The following CEP128 variants were observed in gnomAD, a reference collection of about 807,000 sequenced individuals.
CEP128 encodes the protein centrosomal protein 128.
CEP128 carries 132 observed loss-of-function variants against 156.7 expected under a neutral mutation model. The ratio of observed to expected loss-of-function variants is 0.84; its 90% CI spans 0.73 to 0.97. The LOEUF (loss-of-function observed/expected upper bound fraction) is 0.97. Among genes scored for constraint, CEP128 ranks in the 50% least tolerant of loss-of-function variants. The pLI is 0.00. For missense variants in CEP128, 1,252 were observed against 1,281.9 expected (o/e 0.98, Z 0.36); for synonymous variants, 469 against 448.9 (o/e 1.04, Z -0.57).
intron 19 of CEP128, among the ~76,000 whole-genome samples, chr14:80,635,766 A>G (rs1245964840): frequency 6.6e-6 from 1 of 152,160 alleles, no homozygotes; most frequent in East Asian, 1.9e-4. Context: ...TGAAATCCAA[A>G]ACACCCTAAA....
intron 20 of CEP128, among the ~76,000 whole-genome samples, chr14:80,575,910 C>A (rs766347518): frequency 2.2e-4 from 34 of 152,104 alleles, no homozygotes; most frequent in Non-Finnish European, 1.0e-4. Context: ...TGGAAGTTAT[C>A]TCATGACTCA....
Position 80,678,653 on chromosome 14 carries a change from C to T in CEP128, c.2806+64422G>A, listed in dbSNP as rs942914264. Among the ~76,000 whole-genome samples the T allele has an allele frequency of 1.8e-4, 28 of 152,200 alleles. 1 individual carries two copies. Among genetic ancestry groups the T allele is most frequent in the African/African-American group, 6.3e-4 (26 of 41,464 alleles). On this transcript the variant is annotated intron_variant, in intron 19 of 24. Transcript: ENST00000555265. Reference sequence around the variant, plus strand: ...GAATGAAGTGCCAATACATGAAGAGCTTCCCTCTGTGACTCATCTTTCCAC... The same window carrying T: ...GAATGAAGTGCCAATACATGAAGAGTTTCCCTCTGTGACTCATCTTTCCAC...
At chr14:80,734,840 C>A (rs1212489055) in intron 19 of CEP128, among the ~76,000 whole-genome samples, 1 of 135,860 alleles carries the variant, frequency 7.4e-6, no homozygotes, top group South Asian at 2.6e-4. Flanking sequence ...TATCAAGACC[C>A]CATCTCAAAA....
chr14:80,926,422 G>A (rs760625127), intron 2 of CEP128, among the ~76,000 whole-genome samples: 16 of 152,102 alleles, frequency 1.1e-4, no homozygotes, highest in Non-Finnish European at 1.3e-4. Context: ...TGCAGCAGAC[G>A]TAGCTGTGCT....
At chr14:80,794,260 T>C (rs1043868208) in intron 13 of CEP128, among the ~76,000 whole-genome samples, 3 of 152,256 alleles carry the variant, frequency 2.0e-5, no homozygotes, top group African/African-American at 7.2e-5. Context: ...CTATGATCTA[T>C]GGCTCAAATA....
chr14:80,618,361 C>T (rs1893317998), intron 19 of CEP128, among the ~76,000 whole-genome samples: 1 of 152,200 alleles, frequency 6.6e-6, no homozygotes, highest in African/African-American at 2.4e-5. Flanking sequence ...GGTGTACATT[C>T]ACCATTCAAG....
chr14:80,545,068 A>G lies in CEP128; in HGVS notation c.2881-14182T>C, dbSNP rs144852469. Among the ~76,000 whole-genome samples, 349 of 152,318 alleles carry G rather than the reference A, an allele frequency of 2.3e-3. 1 individual carries two copies. The highest frequency in any genetic ancestry group is 8.1e-3 in the African/African-American group (336 of 41,556). ...CTTGAAAAGCTCTCAACCTTTTACC[A>G]TCATTCTCAGAATCCTCTTCATCCT... On this transcript the variant is annotated intron_variant, in intron 21 of 24. Coordinates refer to ENST00000555265, the MANE Select transcript of CEP128 (RefSeq NM_152446.5).
chr14:80,578,395 T>A lies in CEP128; in HGVS notation c.2856+1979A>T, dbSNP rs866141404. On this transcript the variant is annotated intron_variant, in intron 20 of 24. Coordinates refer to ENST00000555265, the MANE Select transcript of CEP128 (RefSeq NM_152446.5). ...GACATAAAATGCAGAATATCTGTTA[T>A]ACATAATTATAAGATGATAATGAGT... 2.6e-5 allele frequency among the ~76,000 whole-genome samples: 4 copies of A among 152,320 alleles called. No homozygotes were observed. In the Middle Eastern group the frequency reaches 0.01, roughly 389 times the overall value.
chr14:80,753,878 C>T (rs879378600), intron 18 of CEP128, among the ~76,000 whole-genome samples: 1 of 152,172 alleles, frequency 6.6e-6, no homozygotes, highest in Non-Finnish European at 1.5e-5. Context: ...CATCTCTCAT[C>T]ATGTGTATGC....
rs558141955 is a variant in CEP128, at chr14:80,927,161, G to A, written c.-15-10599C>T. ...ACTGCTACTCCTAGGGTAAGGGGGC[G>A]TGTACCACATTAAGAGGGCAGACAC... On this transcript the variant is annotated intron_variant, in intron 2 of 24. Coordinates refer to ENST00000555265, the MANE Select transcript of CEP128 (RefSeq NM_152446.5). 2.7e-3 allele frequency among the ~76,000 whole-genome samples: 407 copies of A among 152,264 alleles called. 5 individuals are homozygous for A. The highest frequency in any genetic ancestry group is 9.4e-3 in the African/African-American group (391 of 41,542).
At chr14:80,754,394 G>A (rs1899536756) in intron 18 of CEP128, among the ~76,000 whole-genome samples, 1 of 150,996 alleles carries the variant, frequency 6.6e-6, no homozygotes, top group Non-Finnish European at 1.5e-5. Flanking sequence ...TACAGCTCCT[G>A]CTTGTAAGAC....
intron 6 of CEP128, among the ~76,000 whole-genome samples, chr14:80,901,237 G>A (rs1883547816): frequency 1.3e-5 from 2 of 152,184 alleles, no homozygotes; most frequent in South Asian, 4.1e-4. Flanking sequence ...AGGCTTGGGG[G>A]TATGATAATG....
chr14:80,579,320 A>C (rs1259737972), intron 20 of CEP128, among the ~76,000 whole-genome samples: 1 of 152,056 alleles, frequency 6.6e-6, no homozygotes, highest in Admixed American at 6.6e-5. Flanking sequence ...AGACTGGACT[A>C]ACCAATGCTC....
intron 13 of CEP128, among the ~76,000 whole-genome samples, chr14:80,826,094 A>G (rs1885461275): frequency 7.4e-6 from 1 of 135,086 alleles, no homozygotes; most frequent in Non-Finnish European, 1.5e-5. Flanking sequence ...TGACAGAGCG[A>G]GATTCTGTCT....
Position 80,626,470 on chromosome 14 carries a change from CAA to C in CEP128, c.2807-46049_2807-46048del, listed in dbSNP as rs60238276. On this transcript the variant is annotated intron_variant, in intron 19 of 24. Coordinates refer to ENST00000555265, the MANE Select transcript of CEP128 (RefSeq NM_152446.5). ...TGGGCGACAGAGCGAGACTCCGTCT[CAA>C]AAAAAAAAAAAAAAAAAAAAAAAGA... 9.3e-3 allele frequency among the ~76,000 whole-genome samples: 751 copies of C among 80,568 alleles called. 2 individuals are homozygous for C. The highest frequency in any genetic ancestry group is 0.037 in the African/African-American group (653 of 17,652). The allele number at this position is 80,568 out of a possible 152,430, so 52.9% of individuals were successfully genotyped here. A position where few individuals can be genotyped will look rare whatever the true frequency, so the allele number is the denominator to read the frequency against.
At chr14:80,728,157 A>G (rs1489978396) in intron 19 of CEP128, among the ~76,000 whole-genome samples, 2 of 152,230 alleles carry the variant, frequency 1.3e-5, no homozygotes, top group Non-Finnish European at 2.9e-5. Context: ...TACACCATGG[A>G]ATACTATGCA....
At chr14:80,564,311 A>G (rs957545742) in intron 20 of CEP128, among the ~76,000 whole-genome samples, 1 of 152,234 alleles carries the variant, frequency 6.6e-6, no homozygotes, top group African/African-American at 2.4e-5. Flanking sequence ...TGTTCTTACC[A>G]ATAAGTGAAT....
rs559288655 is a variant in CEP128, at chr14:80,948,307, T to C, written c.-171-8767A>G. On this transcript the variant is annotated intron_variant, in intron 2 of 7. Transcript: ENST00000555529. ...ATATTGCCTACTACTCAAAGAATCA[T>C]CTTTAGCCATTCATTGTGCTGAAGC... Among the ~76,000 whole-genome samples the C allele has an allele frequency of 2.0e-4, 31 of 152,316 alleles. 1 individual carries two copies. The South Asian group carries it at 6.2e-3, about 31-fold the overall frequency.
At chr14:80,707,789 T>A (rs183364666) in intron 19 of CEP128, among the ~76,000 whole-genome samples, 1 of 152,188 alleles carries the variant, frequency 6.6e-6, no homozygotes, top group African/African-American at 2.4e-5. Flanking sequence ...ATACCACCAA[T>A]ACCACAAGAA....
Sources: gnomAD v4.1 joint callset for allele counts (sites outside exome capture counted in the v4.1 genomes callset) on GRCh38, gnomAD v4.1.1 for gene constraint, MANE v1.5 for transcripts, NCBI Gene and HGNC (gene_info 2026-07-23, HGNC 2026-07-21) for gene names.